Variants in LYN observed in about 807,000 individuals in gnomAD.
LYN encodes tyrosine-protein kinase Lyn.
Under a neutral mutation model 65.0 loss-of-function variants are expected in LYN, and 12 were observed. That is an observed-to-expected ratio of 0.18 (90% CI 0.12 to 0.30). LYN has a LOEUF of 0.30. Ranked by LOEUF, LYN falls within the 10% of genes least tolerant of loss-of-function variation. The probability of loss-of-function intolerance (pLI) is 1.00; values close to 1 mark genes in which losing one functional copy is unlikely to be tolerated. For missense variants in LYN, 380 were observed against 623.2 expected (o/e 0.61, Z 4.16); for synonymous variants, 222 against 221.2 (o/e 1.00, Z -0.03).
intron 1 of LYN, among the ~76,000 whole-genome samples, chr8:55,890,442 C>A (rs933664389): frequency 1.3e-5 from 2 of 151,970 alleles, no homozygotes; most frequent in African/African-American, 2.4e-5. Flanking sequence ...ATAAGTGGTG[C>A]CAAGGATGTG....
chr8:55,969,918 G>A, intron 10 of LYN, 125 bp downstream of exon 10: 1 of 791,330 alleles, frequency 1.3e-6, no homozygotes, highest in Admixed American at 2.0e-5. Context: ...CAGCAGTTAT[G>A]AGAAAAAGAC....
Position 56,009,911 on chromosome 8 carries a change from G to C in LYN, c.1340G>C (p.Arg447Thr). 6.2e-7 allele frequency: 1 copy of C among 1,613,770 alleles called. No individual in the cohort carries two copies. The highest frequency in any genetic ancestry group is 8.5e-7 in the Non-Finnish European group (1 of 1,179,778). ...VTYGKIPYPG[R>T]TNADVMTALS... ...TTTTTGTTTTTTTCCACCCTAGGGAGAACTAATGCCGACGTGATGACCGCC... is the reference window on the plus strand; with the variant it reads ...TTTTTGTTTTTTTCCACCCTAGGGACAACTAATGCCGACGTGATGACCGCC... The change falls in exon 13 of 13, where the codon AGA becomes ACA. Residue 447 changes from arginine (R) to threonine (T), a missense_variant. Arg to Thr is a moderately conservative substitution (Grantham distance 71). Transcript: ENST00000519728.
In LYN at chr8:55,884,600, C is replaced by T. The variant is rs369526470; in HGVS notation, c.-6+4497C>T. ...CCTCCCTAGTAGCTGTGATTACAGG[C>T]GCCCGCCACCATGCCTGGCTAATTT... On this transcript the variant is annotated intron_variant, in intron 1 of 12. Coordinates refer to ENST00000519728, the MANE Select transcript of LYN (RefSeq NM_002350.4). 7.2e-5 allele frequency among the ~76,000 whole-genome samples: 11 copies of T among 152,046 alleles called. No homozygotes were observed. The South Asian group carries it at 1.0e-3, about 14-fold the overall frequency.
rs372001004 is a variant in LYN, at chr8:55,963,199, T to G, written c.791-3516T>G. ...TTTTTGTGCCTCATTTTTGTGCTGA[T>G]GCAAGCATGCATGAGCTCTAGGGTG... is the stretch of plus-strand genomic sequence containing the variant. On this transcript the variant is annotated intron_variant, in intron 8 of 12. Transcript: ENST00000519728. 8.5e-4 allele frequency among the ~76,000 whole-genome samples: 129 copies of G among 152,384 alleles called. 4 individuals carry two copies. In the South Asian group the frequency reaches 0.025, roughly 30 times the overall value.
chr8:55,986,657 A>C (rs970525975), intron 10 of LYN, among the ~76,000 whole-genome samples: 5 of 152,206 alleles, frequency 3.3e-5, no homozygotes, highest in Non-Finnish European at 7.3e-5. Context: ...GGATATGCCA[A>C]ACACTGCCTC....
At chr8:55,982,119 A>G (rs1450525352) in intron 10 of LYN, among the ~76,000 whole-genome samples, 2 of 152,132 alleles carry the variant, frequency 1.3e-5, no homozygotes, top group African/African-American at 4.8e-5. Context: ...GATTCTTAAC[A>G]AAGTCAGGAT....
At chr8:55,908,084 T>C (rs1376109706) in intron 1 of LYN, among the ~76,000 whole-genome samples, 1 of 152,116 alleles carries the variant, frequency 6.6e-6, no homozygotes, top group Non-Finnish European at 1.5e-5. Flanking sequence ...TAGCATATGC[T>C]GCTTGAGGTC....
intron 8 of LYN, among the ~76,000 whole-genome samples, chr8:55,961,459 C>G (rs1475164723): frequency 2.0e-5 from 3 of 152,120 alleles, no homozygotes; most frequent in Non-Finnish European, 4.4e-5. Flanking sequence ...GAAAACCACC[C>G]TATTGTTTCA....
At chr8:55,955,922 T>C (rs1361697402) in intron 8 of LYN, among the ~76,000 whole-genome samples, 1 of 152,252 alleles carries the variant, frequency 6.6e-6, no homozygotes, top group Non-Finnish European at 1.5e-5. Context: ...TACTTATCCA[T>C]TGGTGGACCT....
At chr8:55,937,514 A>G (rs1040408964) in intron 1 of LYN, among the ~76,000 whole-genome samples, 1 of 152,218 alleles carries the variant, frequency 6.6e-6, no homozygotes, top group Non-Finnish European at 1.5e-5. Flanking sequence ...TGTCTCTACT[A>G]TAAGTCATGC....
At chr8:55,974,480 G>T (rs376768498) in intron 10 of LYN, among the ~76,000 whole-genome samples, 12 of 152,168 alleles carry the variant, frequency 7.9e-5, no homozygotes, top group East Asian at 5.8e-4. Flanking sequence ...TTGAGTAGGA[G>T]GGCCTTTTAA....
chr8:55,951,332 C>A (rs528576953), intron 6 of LYN, among the ~76,000 whole-genome samples: 2 of 151,996 alleles, frequency 1.3e-5, no homozygotes, highest in African/African-American at 4.8e-5. Flanking sequence ...TTTGCTGAGC[C>A]TTTTGCATTA....
intron 8 of LYN, among the ~76,000 whole-genome samples, chr8:55,961,343 C>T (rs892686939): frequency 6.6e-5 from 10 of 152,188 alleles, no homozygotes; most frequent in African/African-American, 2.4e-4. Context: ...CAACCCAAAT[C>T]TCCATGACTA....
chr8:55,906,746 GGA>G (rs1554575492), intron 1 of LYN, among the ~76,000 whole-genome samples: 14 of 151,052 alleles, frequency 9.3e-5, no homozygotes, highest in South Asian at 6.3e-4. Context: ...GAGAGAGAGA[GGA>G]GAGAGAGAGA....
chr8:55,978,724 G>A (rs371979527), intron 10 of LYN, among the ~76,000 whole-genome samples: 4 of 152,182 alleles, frequency 2.6e-5, no homozygotes, highest in African/African-American at 4.8e-5. Flanking sequence ...CAGCGCAGGC[G>A]ACGGAGTTCT....
At chr8:55,971,292 A>G (rs1406310110) in intron 10 of LYN, among the ~76,000 whole-genome samples, 1 of 152,204 alleles carries the variant, frequency 6.6e-6, no homozygotes, top group African/African-American at 2.4e-5. Flanking sequence ...TTCCAGAACT[A>G]TAGTTTGAAA....
chr8:55,933,217 T>G (rs1252319617), intron 1 of LYN, among the ~76,000 whole-genome samples: 1 of 152,208 alleles, frequency 6.6e-6, no homozygotes, highest in Non-Finnish European at 1.5e-5. Context: ...AACTATCCCA[T>G]CTAATATGAC....
At chr8:55,989,274 C>T (rs1808174103) in intron 10 of LYN, among the ~76,000 whole-genome samples, 2 of 152,240 alleles carry the variant, frequency 1.3e-5, no homozygotes, top group African/African-American at 4.8e-5. Context: ...TAGGAAGCTA[C>T]TAAGCAGGGG....
At chr8:55,944,775 C>G (rs183806411) in intron 2 of LYN, among the ~76,000 whole-genome samples, 1 of 152,192 alleles carries the variant, frequency 6.6e-6, no homozygotes, top group East Asian at 1.9e-4. Context: ...GCCACCACAC[C>G]CAGCCTGTTT....
Sources: allele counts gnomAD v4.1 joint callset (sites outside exome capture counted in the v4.1 genomes callset), GRCh38; gene constraint gnomAD v4.1.1; transcripts MANE v1.5; gene names NCBI Gene and HGNC (gene_info 2026-07-23, HGNC 2026-07-21).